RYR2: variants seen among roughly 807,000 people sequenced by gnomAD.
RYR2 encodes ryanodine receptor 2.
Under a neutral mutation model 601.1 loss-of-function variants are expected in RYR2, and 227 were observed. The observed-to-expected ratio is 0.38, with a 90% confidence interval of 0.34 to 0.42. The LOEUF is 0.42. RYR2 is among the 10% of genes least tolerant of loss of function. The pLI, the probability that RYR2 is intolerant of heterozygous loss-of-function variation, is 1.00. For missense variants in RYR2, 4,646 were observed against 6,156.5 expected, an observed-to-expected ratio of 0.75 and a Z score of 8.21; for synonymous variants, 2,223 against 2,175.1, an observed-to-expected ratio of 1.02 and a Z score of -0.61.
At chr1:237,309,044 G>A (rs1316647738) in intron 2 of RYR2, among the ~76,000 whole-genome samples, 1 of 152,078 alleles carries the variant, frequency 6.6e-6, no homozygotes, top group African/African-American at 2.4e-5. Flanking sequence ...TAGACACAGG[G>A]TGCTGATTGG....
At chr1:237,163,348 A>G (rs1394380920) in intron 1 of RYR2, among the ~76,000 whole-genome samples, 1 of 45,644 alleles carries the variant, frequency 2.2e-5, no homozygotes, top group Admixed American at 2.8e-4. Flanking sequence ...CCCACCCCCA[A>G]CCCCCTACCC....
intron 1 of RYR2, among the ~76,000 whole-genome samples, chr1:237,107,531 A>AAAAAAAAAAAAAAAAAAT (rs1668869232): frequency 6.7e-6 from 1 of 149,592 alleles, no homozygotes; most frequent in Non-Finnish European, 1.5e-5. Flanking sequence ...AAAAAAAAAA[A>AAAAAAAAAAAAAAAAAAT]AAAAAGGAAA....
intron 76 of RYR2, among the ~76,000 whole-genome samples, chr1:237,728,387 T>C (rs937373153): frequency 2.0e-5 from 3 of 151,996 alleles, no homozygotes; most frequent in African/African-American, 4.8e-5. Flanking sequence ...TTAACCTTAA[T>C]ATCTAGAACC....
At chr1:237,569,689 C>A (rs115847784) in intron 29 of RYR2, among the ~76,000 whole-genome samples, 2,292 of 152,180 alleles carry the variant, frequency 0.015, 62 homozygotes, top group African/African-American at 0.052. Flanking sequence ...GAAATGAGGA[C>A]CCACAATGGA....
At chr1:237,370,242 G>A (rs1700532948) in intron 6 of RYR2, among the ~76,000 whole-genome samples, 1 of 151,922 alleles carries the variant, frequency 6.6e-6, no homozygotes. Flanking sequence ...ACAGGAGTTA[G>A]GGGTGCCAAT....
chr1:237,149,030 G>A (rs775375876), intron 1 of RYR2, among the ~76,000 whole-genome samples: 3 of 152,060 alleles, frequency 2.0e-5, no homozygotes, highest in Non-Finnish European at 4.4e-5. Context: ...TTTCCTCTTC[G>A]AGTGAGCAAA....
chr1:237,194,869 C>G lies in RYR2; in HGVS notation c.49-75628C>G, dbSNP rs1198822045. On this transcript the variant is annotated intron_variant, in intron 1 of 104. Coordinates refer to ENST00000366574, the MANE Select transcript of RYR2 (RefSeq NM_001035.3). ...GTGGCTGAAGAATAGTGGGAGGAAACCTGGGCTAGAATTTTGCTTTCTGTA... is the reference window on the plus strand; with the variant it reads ...GTGGCTGAAGAATAGTGGGAGGAAAGCTGGGCTAGAATTTTGCTTTCTGTA... 2.0e-5 allele frequency among the ~76,000 whole-genome samples: 3 copies of G among 152,108 alleles called. No individual in the cohort carries two copies. In the East Asian group the frequency reaches 5.8e-4, roughly 29 times the overall value.
Position 237,451,527 on chromosome 1 carries a change from G to C in RYR2, c.1293-2864G>C, listed in dbSNP as rs191877191. 4.2e-3 allele frequency among the ~76,000 whole-genome samples: 614 copies of C among 147,118 alleles called. 4 individuals are homozygous for C. The highest frequency in any genetic ancestry group is 0.015 in the African/African-American group (579 of 39,522). ...ACTCAGGAGGCAGAGGTTGCAGTGA[G>C]CCAAGATCATACCACTGCACTCCAG... On this transcript the variant is annotated intron_variant, in intron 14 of 104. Transcript: ENST00000366574.
intron 29 of RYR2, 74 bp from the exon 30 acceptor site, chr1:237,589,719 A>G (rs1402301901): frequency 5.5e-6 from 8 of 1,443,884 alleles, no homozygotes; most frequent in Middle Eastern, 1.7e-4. Flanking sequence ...TCCTGGAACA[A>G]TATGTTTGAT....
At chr1:237,088,581 C>A (rs1666616190) in intron 1 of RYR2, among the ~76,000 whole-genome samples, 2 of 152,186 alleles carry the variant, frequency 1.3e-5, no homozygotes. Context: ...GTTTCTTTTT[C>A]TAAGTTTGCT....
intron 17 of RYR2, among the ~76,000 whole-genome samples, chr1:237,476,150 T>A (rs1015776409): frequency 6.6e-6 from 1 of 152,242 alleles, no homozygotes; most frequent in Non-Finnish European, 1.5e-5. Flanking sequence ...TTGGCATTCC[T>A]GCCATTTCTT....
At chr1:237,329,845 G>C (rs549805423) in intron 2 of RYR2, among the ~76,000 whole-genome samples, 2 of 152,094 alleles carry the variant, frequency 1.3e-5, no homozygotes, top group Non-Finnish European at 1.5e-5. Flanking sequence ...TATTGATTGA[G>C]ATAGCGGTTT....
At chr1:237,719,884 T>A (rs1041817592) in intron 73 of RYR2, among the ~76,000 whole-genome samples, 1 of 152,136 alleles carries the variant, frequency 6.6e-6, no homozygotes, top group Non-Finnish European at 1.5e-5. Flanking sequence ...CATTTCCACA[T>A]GAGATTTGGG....
At chr1:237,654,760 A>T (rs973755326) in intron 52 of RYR2, among the ~76,000 whole-genome samples, 1 of 152,216 alleles carries the variant, frequency 6.6e-6, no homozygotes, top group Non-Finnish European at 1.5e-5. Context: ...ATTATATCCA[A>T]TATAAAAATA....
intron 41 of RYR2, among the ~76,000 whole-genome samples, chr1:237,628,828 A>G (rs1263062444): frequency 6.6e-6 from 1 of 152,134 alleles, no homozygotes; most frequent in East Asian, 1.9e-4. Context: ...CAAGGTGGGT[A>G]GTTGGAAATA....
chr1:237,063,888 C>G (rs1018177953), intron 1 of RYR2, among the ~76,000 whole-genome samples: 1 of 152,178 alleles, frequency 6.6e-6, no homozygotes, highest in Admixed American at 6.5e-5. Context: ...CCCCCGACCC[C>G]ACCCCCAGCA....
At chr1:237,226,375 C>A (rs765749999) in intron 1 of RYR2, among the ~76,000 whole-genome samples, 3 of 152,122 alleles carry the variant, frequency 2.0e-5, no homozygotes, top group Admixed American at 1.3e-4. Flanking sequence ...TTGTCAGTGG[C>A]GTGGCGTACA....
chr1:237,272,666 A>G (rs1019091265), intron 2 of RYR2, among the ~76,000 whole-genome samples: 1 of 150,760 alleles, frequency 6.6e-6, no homozygotes, highest in South Asian at 2.1e-4. Context: ...TAAGAAGCAG[A>G]ATAATATCTA....
intron 2 of RYR2, among the ~76,000 whole-genome samples, chr1:237,284,263 C>T (rs1044241557): frequency 6.8e-6 from 1 of 147,920 alleles, no homozygotes; most frequent in Non-Finnish European, 1.5e-5. Flanking sequence ...CACCTGTAAT[C>T]CCAGCTACTT....
Sources: gnomAD v4.1 joint callset for allele counts (sites outside exome capture counted in the v4.1 genomes callset) on GRCh38, gnomAD v4.1.1 for gene constraint, MANE v1.5 for transcripts, NCBI Gene and HGNC (gene_info 2026-07-23, HGNC 2026-07-21) for gene names.